NUDT14: variants seen among roughly 807,000 people sequenced by gnomAD.
NUDT14 encodes the protein nudix hydrolase 14, also known as uridine diphosphate glucose pyrophosphatase NUDT14.
A neutral mutation model predicts 17.5 loss-of-function variants in NUDT14; 22 were observed. The observed-to-expected ratio is 1.26, with a 90% CI of 0.90 to 1.80. The LOEUF (loss-of-function observed/expected upper bound fraction) is 1.80. Ranked by LOEUF, NUDT14 falls within the 40% of genes most tolerant of loss-of-function variation. The pLI is 0.00. For synonymous variants in NUDT14, 129 were observed against 125.8 expected (o/e 1.03, Z -0.17); for missense variants, 296 against 295.6 (o/e 1.00, Z -0.01).
chr14:105,175,139 A>G (rs1182750704), intron 4 of NUDT14, among the ~76,000 whole-genome samples: 12 of 152,180 alleles, frequency 7.9e-5, no homozygotes, highest in Admixed American at 7.9e-4. Flanking sequence ...CACCGCGGCC[A>G]GGGCTGCTTG....
chr14:105,177,178 G>C, intron 2 of NUDT14, 151 bp from the exon 3 acceptor site: 1 of 706,944 alleles, frequency 1.4e-6, no homozygotes, highest in Non-Finnish European at 2.5e-6. Context: ...GATGGCTGAG[G>C]CCCAGGCGGG....
At chr14:105,179,874 C>T (rs79368655) in intron 1 of NUDT14, among the ~76,000 whole-genome samples, 1,524 of 152,248 alleles carry the variant, frequency 0.01, 60 homozygotes, top group Admixed American at 0.076. Flanking sequence ...TCCAGGATGG[C>T]GAGGGGCAGA....
intron 2 of NUDT14, 68 bp from the exon 3 acceptor site, chr14:105,177,095 C>T (rs1048995964): frequency 1.4e-6 from 2 of 1,480,374 alleles, no homozygotes; most frequent in African/African-American, 2.8e-5. Context: ...CACCTCCCAT[C>T]TTTCTGTTCC....
In NUDT14 at chr14:105,176,235, C is replaced by T. The variant is rs189196530; in HGVS notation, c.428+299G>A. ...TGTGAGTCACCCCCACCCCCAGCGC[C>T]CGGTCTTAATCCTACAGGAAGTAGA... On this transcript the variant is annotated intron_variant, in intron 4 of 4. Coordinates refer to ENST00000392568, the MANE Select transcript of NUDT14 (RefSeq NM_177533.5). Among the ~76,000 whole-genome samples, 1,247 of 152,258 alleles carry T rather than the reference C, an allele frequency of 8.2e-3. 22 individuals carry two copies. Among genetic ancestry groups the T allele is most frequent in the African/African-American group, 0.029 (1,210 of 41,552 alleles).
intron 1 of NUDT14, among the ~76,000 whole-genome samples, chr14:105,180,094 G>A (rs1326325260): frequency 1.3e-5 from 2 of 152,224 alleles, no homozygotes; most frequent in African/African-American, 4.8e-5. Context: ...AAAAGGTGGG[G>A]CCCTAACTGG....
intron 4 of NUDT14, 136 bp downstream of exon 4, chr14:105,176,398 C>T (rs1051587798): frequency 4.3e-5 from 33 of 763,016 alleles, no homozygotes; most frequent in Non-Finnish European, 5.3e-5. Flanking sequence ...GAGGCGCATT[C>T]GGTCCAACCC....
At chr14:105,174,268 C>T (rs1889165627) in intron 4 of NUDT14, among the ~76,000 whole-genome samples, 1 of 151,786 alleles carries the variant, frequency 6.6e-6, no homozygotes, top group Non-Finnish European at 1.5e-5. Flanking sequence ...GCTAGGAGGA[C>T]AGGATGGCAG....
At position 105,176,968 on chromosome 14, in the gene NUDT14, C is replaced by G. The variant is rs752852056; in HGVS notation, c.185G>C (p.Arg62Pro). The change falls in exon 3 of 5, where the codon CGG (arginine) becomes CCG (proline). Residue 62 changes from arginine to proline, a missense_variant. Transcript: ENST00000392568. ...CCCACCCCAGCTGGCCTCACCTGGC[C>G]GGAACTGCTTCACCAACACCAGGCT... The part of the protein sequence containing the change: ...RRSLVLVKQF[R>P]PAVYAGEVER... 2.5e-6 allele frequency: 4 copies of G among 1,611,704 alleles called. No homozygotes were observed. The highest frequency in any genetic ancestry group is 8.5e-7 in the Non-Finnish European group (1 of 1,179,652).
Position 105,176,618 on chromosome 14 carries a change from A to G in NUDT14, c.344T>C (p.Leu115Pro). Residue 115 changes from leucine (L) to proline (P), a missense_variant, in exon 4 of 5, where the codon CTG (leucine) becomes CCG (proline). Physicochemically the swap from Leu to Pro is moderately conservative, Grantham distance 98. Transcript: ENST00000392568. ...AGLVDQPGLS[L>P]EEVACKEAWE... ...AGCCTCCTTGCAAGCCACTTCCTCC[A>G]GCGAGAGCCCAGGCTGGTCCACGAG... 6.2e-7 allele frequency: 1 copy of G among 1,612,756 alleles called. No individual in the cohort carries two copies. The highest frequency in any genetic ancestry group is 1.1e-5 in the South Asian group (1 of 91,082).
chr14:105,177,938 T>C (rs1889251778), intron 1 of NUDT14, among the ~76,000 whole-genome samples: 1 of 152,000 alleles, frequency 6.6e-6, no homozygotes, highest in South Asian at 2.1e-4. Flanking sequence ...GACAGCCTAA[T>C]ACCCTACGAG....
Position 105,176,560 on chromosome 14 carries a change from A to G in NUDT14, c.402T>C (p.Ser134=). Residue 134 remains serine (S), a synonymous_variant, in exon 4 of 5, where the codon TCT becomes TCC. Transcript: ENST00000392568. ...WEECGYHLAP[S]DLRRVATYWS... ...AGTATGTGGCGACCCGGCGCAGATCAGAGGGGGCCAAGTGGTAGCCACACT... is the reference window on the plus strand; with the variant it reads ...AGTATGTGGCGACCCGGCGCAGATCGGAGGGGGCCAAGTGGTAGCCACACT... The G allele has an allele frequency of 6.2e-7, 1 of 1,612,668 alleles. No individual in the cohort carries two copies. The highest frequency in any genetic ancestry group is 8.5e-7 in the Non-Finnish European group (1 of 1,179,890).
Position 105,181,219 on chromosome 14 carries a change from C to T in NUDT14, c.-10G>A. On this transcript the variant is annotated 5_prime_UTR_variant, in exon 1 of 5. Transcript: ENST00000392568. The surrounding 1 kb of genome is among the most constrained non-coding windows in gnomAD (Gnocchi z 5.0). ...CCTCGATGCGCTCCATGGCGGCGCC[C>T]GGACAGGCGGGGGCCGCGAGCTCTG... is the stretch of plus-strand genomic sequence containing the variant. The T allele has an allele frequency of 9.1e-7, 1 of 1,100,358 alleles. No homozygotes were observed. The highest frequency in any genetic ancestry group is 1.1e-6 in the Non-Finnish European group (1 of 895,146). The allele number at this position is 1,100,358 out of a possible 1,614,324, so 68.2% of individuals were successfully genotyped here. A position where few individuals can be genotyped will look rare whatever the true frequency, so the allele number is the denominator to read the frequency against.
At chr14:105,177,982 G>A (rs1158554213) in intron 1 of NUDT14, among the ~76,000 whole-genome samples, 2 of 152,132 alleles carry the variant, frequency 1.3e-5, no homozygotes, top group African/African-American at 2.4e-5. Flanking sequence ...GGCAGGGAAG[G>A]TGTCCAGGCA....
Position 105,181,223 on chromosome 14 carries a change from C to T in NUDT14, c.-14G>A. On this transcript the variant is annotated 5_prime_UTR_variant, in exon 1 of 5. Transcript: ENST00000392568. The surrounding 1 kb of genome is among the most constrained non-coding windows in gnomAD (Gnocchi z 5.0). ...GATGCGCTCCATGGCGGCGCCCGGACAGGCGGGGGCCGCGAGCTCTGCGGG... is the reference window on the plus strand; with the variant it reads ...GATGCGCTCCATGGCGGCGCCCGGATAGGCGGGGGCCGCGAGCTCTGCGGG... 1.0e-6 allele frequency: 1 copy of T among 1,002,518 alleles called. No individual in the cohort carries two copies. The highest frequency in any genetic ancestry group is 1.2e-6 in the Non-Finnish European group (1 of 810,314). The allele number at this position is 1,002,518 out of a possible 1,614,324, so 62.1% of individuals were successfully genotyped here.
chr14:105,176,785 A>G lies in NUDT14; in HGVS notation c.191-14T>C, dbSNP rs1234277583. 6.2e-7 allele frequency: 1 copy of G among 1,609,514 alleles called. No homozygotes were observed. Among genetic ancestry groups the G allele is most frequent in the East Asian group, 2.2e-5 (1 of 44,816 alleles). On this transcript the variant is annotated splice_polypyrimidine_tract_variant and intron_variant, in intron 3 of 4. Transcript: ENST00000392568. ...CCGCATACACAGCTGCGTGGGAAGAAGCCAGACTGTGCTCACAGCCACGTG... is the reference window on the plus strand; with the variant it reads ...CCGCATACACAGCTGCGTGGGAAGAGGCCAGACTGTGCTCACAGCCACGTG...
At position 105,181,134 on chromosome 14, in the gene NUDT14, G is replaced by A. The variant is rs1889319038; in HGVS notation, c.76C>T (p.Arg26Cys). The change falls in exon 1 of 5, where the codon CGC (arginine) becomes TGC (cysteine). Residue 26 changes from arginine to cysteine, a missense_variant. Transcript: ENST00000392568. The surrounding 1 kb of genome is among the most constrained non-coding windows in gnomAD (Gnocchi z 5.0). Reference protein sequence around the residue: ...PYLRPLTLHYRQNGAQKSWDF... With the variant: ...PYLRPLTLHYCQNGAQKSWDF... ...ACGCGGGGGCGCGGGCTCACCTGGC[G>A]GTAATGCAGCGTGAGCGGCCGCAGG... 9.0e-7 allele frequency: 1 copy of A among 1,107,720 alleles called. No individual in the cohort carries two copies. Among genetic ancestry groups the A allele is most frequent in the African/African-American group, 1.7e-5 (1 of 59,204 alleles). The allele number at this position is 1,107,720 out of a possible 1,614,324, so 68.6% of individuals were successfully genotyped here. A position where few individuals can be genotyped will look rare whatever the true frequency, so the allele number is the denominator to read the frequency against.
chr14:105,177,039 G>A lies in NUDT14; in HGVS notation c.126-12C>T, dbSNP rs763768335. On this transcript the variant is annotated splice_polypyrimidine_tract_variant and intron_variant, in intron 2 of 4. Coordinates refer to ENST00000392568, the MANE Select transcript of NUDT14 (RefSeq NM_177533.5). Reference sequence around the variant, plus strand: ...AGAGAACGGTCACGCTGTGTACGGGGGGAGGGGCTCAGCACAGAAGCACTC... The same window carrying A: ...AGAGAACGGTCACGCTGTGTACGGGAGGAGGGGCTCAGCACAGAAGCACTC... 1.6e-5 allele frequency: 25 copies of A among 1,610,332 alleles called. No homozygotes were observed. In the East Asian group the frequency reaches 5.4e-4, roughly 35 times the overall value.
At chr14:105,176,287 C>T (rs1001642208) in intron 4 of NUDT14, 9 of 582,414 alleles carry the variant, frequency 1.5e-5, no homozygotes, top group Admixed American at 3.0e-5. Flanking sequence ...AGCTGTCACC[C>T]GGCCTGCCTC....
chr14:105,175,226 G>A (rs1889185336), intron 4 of NUDT14, among the ~76,000 whole-genome samples: 1 of 152,210 alleles, frequency 6.6e-6, no homozygotes, highest in African/African-American at 2.4e-5. Flanking sequence ...GGGACCAAGG[G>A]GACTCCAGCC....
Sources: gnomAD v4.1 joint callset for allele counts (sites outside exome capture counted in the v4.1 genomes callset) on GRCh38, gnomAD v4.1.1 for gene constraint, Gnocchi (gnomAD v3.1) non-coding constraint, MANE v1.5 for transcripts, NCBI Gene and HGNC (gene_info 2026-07-23, HGNC 2026-07-21) for gene names.